CLEC2D: variants seen among roughly 807,000 people sequenced by gnomAD.
The protein encoded by CLEC2D is C-type lectin domain family 2 member D, also known as C-type lectin related f.
CLEC2D carries 16 observed loss-of-function variants against 20.0 expected under a neutral mutation model. That is an observed-to-expected ratio of 0.80 (90% CI 0.54 to 1.22). CLEC2D has a LOEUF of 1.22. Among genes scored for constraint, CLEC2D ranks in the 50% most tolerant of loss-of-function variants. CLEC2D has a pLI of 0.00. For missense variants in CLEC2D, 207 were observed against 221.5 expected (o/e 0.93, Z 0.42); for synonymous variants, 77 against 71.1 (o/e 1.08, Z -0.42).
At chr12:9,688,504 G>T (rs971824951) in intron 3 of CLEC2D, among the ~76,000 whole-genome samples, 5 of 152,172 alleles carry the variant, frequency 3.3e-5, no homozygotes, top group Non-Finnish European at 7.3e-5. Flanking sequence ...TATCACTTGA[G>T]GTCAGGAGTT....
At position 9,691,575 on chromosome 12, in the gene CLEC2D, G is replaced by A. The variant is rs117257870; in HGVS notation, c.358-1253G>A. ...AAAAGTATCTTTTGCAATTACAATG[G>A]AATGAAGCTAGAAATCAATAACTAG... is the stretch of plus-strand genomic sequence containing the variant. On this transcript the variant is annotated intron_variant, in intron 3 of 4. Transcript: ENST00000290855. Among the ~76,000 whole-genome samples the A allele has an allele frequency of 1.8e-3, 276 of 152,248 alleles. 8 individuals are homozygous for A. In the East Asian group the frequency reaches 0.045, roughly 25 times the overall value.
intron 1 of CLEC2D, among the ~76,000 whole-genome samples, chr12:9,675,997 C>G (rs1865514517): frequency 6.6e-6 from 1 of 152,172 alleles, no homozygotes; most frequent in Non-Finnish European, 1.5e-5. Flanking sequence ...ATTCTGCAAC[C>G]TTACATATCA....
At position 9,695,142 on chromosome 12, in the gene CLEC2D, C is replaced by T; in HGVS notation, c.*268C>T. 1.7e-6 allele frequency: 1 copy of T among 579,036 alleles called. No homozygotes were observed. The highest frequency in any genetic ancestry group is 3.1e-6 in the Non-Finnish European group (1 of 325,168). The allele number at this position is 579,036 out of a possible 1,614,324, so 35.9% of individuals were successfully genotyped here. A position where few individuals can be genotyped will look rare whatever the true frequency, so the allele number is the denominator to read the frequency against. On this transcript the variant is annotated 3_prime_UTR_variant, in exon 5 of 5. Coordinates refer to ENST00000290855, the MANE Select transcript of CLEC2D (RefSeq NM_013269.6). ...GAGATTTAATTGACTCATAGTTCCA[C>T]ATGGCTGGGGAGGTCTTGCAATCAT...
rs1865983673 is a variant in CLEC2D, at chr12:9,695,968, A to G, written c.*1094A>G. On this transcript the variant is annotated 3_prime_UTR_variant, in exon 5 of 5. Transcript: ENST00000290855. Reference sequence around the variant, plus strand: ...TCCAGCCAAAAATGCACAAAAGTCAAATCAGAATGGAAAAGACTCAAAACC... The same window carrying G: ...TCCAGCCAAAAATGCACAAAAGTCAGATCAGAATGGAAAAGACTCAAAACC... 2.6e-6 allele frequency: 4 copies of G among 1,565,652 alleles called. No homozygotes were observed. The highest frequency in any genetic ancestry group is 3.5e-6 in the Non-Finnish European group (4 of 1,151,116).
intron 1 of CLEC2D, among the ~76,000 whole-genome samples, chr12:9,676,393 G>A (rs986023604): frequency 6.6e-6 from 1 of 151,986 alleles, no homozygotes; most frequent in African/African-American, 2.4e-5. Flanking sequence ...ATCACAAATG[G>A]GCGTTGAATT....
intron 1 of CLEC2D, among the ~76,000 whole-genome samples, chr12:9,680,688 C>G (rs118168721): frequency 2.6e-5 from 4 of 152,046 alleles, no homozygotes; most frequent in African/African-American, 9.7e-5. Flanking sequence ...ATGAATCTCT[C>G]CAATTGAAAG....
intron 2 of CLEC2D, 44 bp from the exon 3 acceptor site, chr12:9,687,858 A>C: frequency 5.6e-6 from 7 of 1,250,004 alleles, no homozygotes; most frequent in Non-Finnish European, 7.5e-6. Context: ...ATACAATATA[A>C]AAGTAAGAAA....
chr12:9,677,409 G>A (rs1323127665), intron 1 of CLEC2D, among the ~76,000 whole-genome samples: 6 of 152,150 alleles, frequency 3.9e-5, no homozygotes, highest in Admixed American at 3.9e-4. Context: ...CCACATGTTT[G>A]TGGAGATTAG....
At chr12:9,678,848 C>A (rs1865575588) in intron 1 of CLEC2D, among the ~76,000 whole-genome samples, 1 of 152,104 alleles carries the variant, frequency 6.6e-6, no homozygotes, top group South Asian at 2.1e-4. Flanking sequence ...GCCATGTCTT[C>A]CATTTTTTTC....
At chr12:9,681,383 A>G (rs777450718) in intron 2 of CLEC2D, among the ~76,000 whole-genome samples, 1 of 152,320 alleles carries the variant, frequency 6.6e-6, no homozygotes, top group African/African-American at 2.4e-5. Flanking sequence ...GTTTCATGAA[A>G]AATAGCAAAA....
chr12:9,693,914 T>C, intron 4 of CLEC2D: 1 of 386,094 alleles, frequency 2.6e-6, no homozygotes, highest in South Asian at 1.8e-5. Context: ...CAAGTGAGCC[T>C]CCCATCTCAG....
At chr12:9,692,715 AAATC>A (rs1453557635) in intron 3 of CLEC2D, 109 bp from the exon 4 acceptor site, 19 of 662,616 alleles carry the variant, frequency 2.9e-5, no homozygotes, top group Non-Finnish European at 4.9e-5. Context: ...AAACAATACA[AAATC>A]AAAAGGAAGA....
chr12:9,683,353 T>G lies in CLEC2D; in HGVS notation c.172+2320T>G, dbSNP rs1309444943. Among the ~76,000 whole-genome samples the G allele has an allele frequency of 6.3e-5, 7 of 111,268 alleles. No individual in the cohort carries two copies. The South Asian group carries it at 1.7e-3, about 26-fold the overall frequency. 73.0% of individuals were successfully genotyped at this position (111,268 alleles called of 152,430 possible). A position where few individuals can be genotyped will look rare whatever the true frequency, so the allele number is the denominator to read the frequency against. On this transcript the variant is annotated intron_variant, in intron 2 of 4. Coordinates refer to ENST00000290855, the MANE Select transcript of CLEC2D (RefSeq NM_013269.6). ...TGTGTTTGTTTTTTTTTTTTTTTTT[T>G]TGTGCAGAAGCTCTTTAGTTAAATT... is the stretch of plus-strand genomic sequence containing the variant.
At chr12:9,684,722 G>A (rs1248424296) in intron 2 of CLEC2D, among the ~76,000 whole-genome samples, 3 of 152,028 alleles carry the variant, frequency 2.0e-5, no homozygotes, top group Non-Finnish European at 2.9e-5. Flanking sequence ...TTCATCCCAG[G>A]GATGAAACTG....
rs754774927 is a variant in CLEC2D, at chr12:9,681,697, CCT to C, written c.172+665_172+666del. Among the ~76,000 whole-genome samples the C allele has an allele frequency of 2.4e-4, 36 of 152,308 alleles. No individual in the cohort carries two copies. In the South Asian group the frequency reaches 5.8e-3, roughly 25 times the overall value. ...CTGGATATCAACCTAAAATCTACCC[CCT>C]GTTACTACATTCTGAAGTAATTTCA... On this transcript the variant is annotated intron_variant, in intron 2 of 4. Coordinates refer to ENST00000290855, the MANE Select transcript of CLEC2D (RefSeq NM_013269.6).
intron 3 of CLEC2D, among the ~76,000 whole-genome samples, chr12:9,688,931 T>G (rs1015781130): frequency 4.6e-5 from 7 of 152,194 alleles, no homozygotes; most frequent in African/African-American, 1.7e-4. Flanking sequence ...TTGGTTAATG[T>G]TGGTGAATTT....
At position 9,698,228 on chromosome 12, in the gene CLEC2D, G is replaced by A. The variant is rs1391702849; in HGVS notation, c.*3354G>A. The A allele has an allele frequency of 6.6e-6, 1 of 152,028 alleles. No homozygotes were observed. The highest frequency in any genetic ancestry group is 2.4e-5 in the African/African-American group (1 of 41,390). 9.4% of individuals were successfully genotyped at this position (152,028 alleles called of 1,614,324 possible). On this transcript the variant is annotated 3_prime_UTR_variant, in exon 5 of 5. Coordinates refer to ENST00000290855, the MANE Select transcript of CLEC2D (RefSeq NM_013269.6). ...TCTCACATACTTATCATTTTCTGTG[G>A]TGAGAACATTTGAAATTTATTCTCT...
At chr12:9,686,915 A>G (rs1454330491) in intron 2 of CLEC2D, among the ~76,000 whole-genome samples, 2 of 152,202 alleles carry the variant, frequency 1.3e-5, no homozygotes, top group African/African-American at 4.8e-5. Flanking sequence ...GTATTTAGAC[A>G]TATACAAGGC....
intron 1 of CLEC2D, among the ~76,000 whole-genome samples, chr12:9,673,503 G>A (rs978391075): frequency 6.6e-6 from 1 of 152,258 alleles, no homozygotes; most frequent in South Asian, 2.1e-4. Context: ...GGTGACCCTT[G>A]TTGGGAAGTC....
Sources: allele counts gnomAD v4.1 joint callset (sites outside exome capture counted in the v4.1 genomes callset), GRCh38; gene constraint gnomAD v4.1.1; transcripts MANE v1.5; gene names NCBI Gene and HGNC (gene_info 2026-07-23, HGNC 2026-07-21).